Variants in SLC9A5 observed in about 807,000 individuals in gnomAD.
SLC9A5 encodes sodium/hydrogen exchanger 5.
Under a neutral mutation model 91.7 loss-of-function variants are expected in SLC9A5, and 52 were observed. The observed-to-expected ratio is 0.57, with a 90% CI of 0.45 to 0.71. The LOEUF is 0.71. Among genes scored for constraint, SLC9A5 ranks in the 30% least tolerant of loss-of-function variants. SLC9A5 has a pLI of 0.00. For missense variants in SLC9A5, 871 were observed against 1,158.9 expected, an observed-to-expected ratio of 0.75 and a Z score of 3.61; for synonymous variants, 419 against 474.5, an observed-to-expected ratio of 0.88 and a Z score of 1.52.
chr16:67,251,263 A>G (rs2035106927), intron 1 of SLC9A5, among the ~76,000 whole-genome samples: 2 of 152,126 alleles, frequency 1.3e-5, no homozygotes, highest in Non-Finnish European at 2.9e-5. Context: ...TGAAAAGCAC[A>G]TTGGGCTAGG....
chr16:67,270,694 T>C lies in SLC9A5; in HGVS notation c.2219-44T>C. On this transcript the variant is annotated intron_variant, in intron 15 of 15. Transcript: ENST00000299798. The surrounding 1 kb of genome is among the most constrained non-coding windows in gnomAD (Gnocchi z 4.3). ...TAAGAATGTGCTTATACTTGAGATT[T>C]CCACTGTATTGGTAATGAGTTCATG... 5.4e-6 allele frequency: 7 copies of C among 1,303,248 alleles called. No homozygotes were observed. The highest frequency in any genetic ancestry group is 7.4e-6 in the Non-Finnish European group (7 of 950,532). 80.7% of individuals were successfully genotyped at this position (1,303,248 alleles called of 1,614,324 possible). A position where few individuals can be genotyped will look rare whatever the true frequency, so the allele number is the denominator to read the frequency against.
Position 67,255,984 on chromosome 16 carries a change from T to A in SLC9A5, c.911+54T>A. 6.4e-7 allele frequency: 1 copy of A among 1,572,252 alleles called. No individual in the cohort carries two copies. The highest frequency in any genetic ancestry group is 8.7e-7 in the Non-Finnish European group (1 of 1,153,242). On this transcript the variant is annotated intron_variant, in intron 5 of 15. Transcript: ENST00000299798. The surrounding 1 kb of genome is among the most constrained non-coding windows in gnomAD (Gnocchi z 4.9). ...AGCTGGGAGGGGGCACTGGAGATGGTTGCCCCTCATAGGGACACAGGCAGG... is the reference window on the plus strand; with the variant it reads ...AGCTGGGAGGGGGCACTGGAGATGGATGCCCCTCATAGGGACACAGGCAGG...
intron 1 of SLC9A5, 118 bp downstream of exon 1, chr16:67,249,319 T>C (rs560402124): frequency 3.9e-4 from 312 of 797,892 alleles, no homozygotes; most frequent in Middle Eastern, 3.4e-3. Flanking sequence ...GGACTTAGGT[T>C]TGGATTCCAC....
rs1171812568 is a variant in SLC9A5 at position 67,255,607 on chromosome 16, G to A, written c.733+136G>A. ...CTCTATAGAGAAATGGGGTCTGGGA[G>A]GGGCTTGCCAGGGATCCTGGCTCTG... On this transcript the variant is annotated intron_variant, in intron 4 of 15. Coordinates refer to ENST00000299798, the MANE Select transcript of SLC9A5 (RefSeq NM_004594.3). This position sits in a 1 kb window ranked among gnomAD's most constrained non-coding sequence, Gnocchi z 4.9. 7.7e-7 allele frequency: 1 copy of A among 1,295,484 alleles called. No individual in the cohort carries two copies. Among genetic ancestry groups the A allele is most frequent in the Non-Finnish European group, 1.1e-6 (1 of 917,654 alleles). 80.2% of individuals were successfully genotyped at this position (1,295,484 alleles called of 1,614,324 possible).
rs2035146376 is a variant in SLC9A5, at chr16:67,252,133, T to C, written c.188-409T>C. On this transcript the variant is annotated intron_variant, in intron 1 of 15. Coordinates refer to ENST00000299798, the MANE Select transcript of SLC9A5 (RefSeq NM_004594.3). This position sits in a 1 kb window ranked among gnomAD's most constrained non-coding sequence, Gnocchi z 4.0. ...GATTGGAAATTCTAGAAGTCTTGCA[T>C]ATTTCTCCTCCCTTGGTCCCAGTCT... is the stretch of plus-strand genomic sequence containing the variant. Among the ~76,000 whole-genome samples, 1 of 152,046 alleles carries C rather than the reference T, an allele frequency of 6.6e-6. No homozygotes were observed.
intron 10 of SLC9A5, among the ~76,000 whole-genome samples, chr16:67,259,266 C>CA (rs542286400): frequency 0.14 from 7,295 of 50,454 alleles, 397 homozygotes; most frequent in African/African-American, 0.23. Context: ...GACTGTGTCT[C>CA]AAAAAAAAAA....
At chr16:67,254,344 T>C (rs746420067) in intron 2 of SLC9A5, among the ~76,000 whole-genome samples, 3 of 152,212 alleles carry the variant, frequency 2.0e-5, no homozygotes, top group Non-Finnish European at 2.9e-5. Context: ...CCAATTTCCA[T>C]TTGCTGGTAG....
chr16:67,262,693 G>A (rs1383933811), intron 12 of SLC9A5: 1 of 196,438 alleles, frequency 5.1e-6, no homozygotes, highest in Non-Finnish European at 1.1e-5. Context: ...TGAGGAGAGT[G>A]TTTCATGGGG....
rs915520970 is a variant in SLC9A5 at position 67,257,769 on chromosome 16, C to T, written c.1496+168C>T. Among the ~76,000 whole-genome samples the T allele has an allele frequency of 6.6e-6, 1 of 152,228 alleles. No homozygotes were observed. The highest frequency in any genetic ancestry group is 1.5e-5 in the Non-Finnish European group (1 of 68,036). On this transcript the variant is annotated intron_variant, in intron 9 of 15. Coordinates refer to ENST00000299798, the MANE Select transcript of SLC9A5 (RefSeq NM_004594.3). This position sits in a 1 kb window ranked among gnomAD's most constrained non-coding sequence, Gnocchi z 5.1. ...AGTGCTCTCAGGTTAAGACAAGGCT[C>T]CCCAGTGTGGCCTGCTTGGCCCTGC...
Position 67,252,876 on chromosome 16 carries a change from A to G in SLC9A5, c.490+32A>G. The G allele has an allele frequency of 6.3e-7, 1 of 1,576,840 alleles. No individual in the cohort carries two copies. Among genetic ancestry groups the G allele is most frequent in the Non-Finnish European group, 8.6e-7 (1 of 1,160,668 alleles). Reference sequence around the variant, plus strand: ...GACCCTAAGACCTGGGCTTTGCCAGACCCATCACCCCTCTCCCTTCTCCTC... The same window carrying G: ...GACCCTAAGACCTGGGCTTTGCCAGGCCCATCACCCCTCTCCCTTCTCCTC... On this transcript the variant is annotated intron_variant, in intron 2 of 15. Coordinates refer to ENST00000299798, the MANE Select transcript of SLC9A5 (RefSeq NM_004594.3). This position sits in a 1 kb window ranked among gnomAD's most constrained non-coding sequence, Gnocchi z 4.0.
Position 67,271,214 on chromosome 16 carries a change from A to G in SLC9A5, c.*4A>G. On this transcript the variant is annotated 3_prime_UTR_variant, in exon 16 of 16. Coordinates refer to ENST00000299798, the MANE Select transcript of SLC9A5 (RefSeq NM_004594.3). ...CAACAGAGGCAGCCGGCTGTAGCTC[A>G]AGGCCTCGGGGAGGAGCAGGAGGTG... is the stretch of plus-strand genomic sequence containing the variant. 1 of 1,608,560 alleles carries G rather than the reference A, an allele frequency of 6.2e-7. No individual in the cohort carries two copies. Among genetic ancestry groups the G allele is most frequent in the East Asian group, 2.2e-5 (1 of 44,810 alleles).
rs989126625 is a variant in SLC9A5 at position 67,271,825 on chromosome 16, G to A, written c.*615G>A. 1 of 152,872 alleles carries A rather than the reference G, an allele frequency of 6.5e-6. No individual in the cohort carries two copies. The highest frequency in any genetic ancestry group is 2.4e-5 in the African/African-American group (1 of 41,454). 9.5% of individuals were successfully genotyped at this position (152,872 alleles called of 1,614,324 possible). On this transcript the variant is annotated 3_prime_UTR_variant, in exon 16 of 16. Coordinates refer to ENST00000299798, the MANE Select transcript of SLC9A5 (RefSeq NM_004594.3). ...CCTTCCCTTTGCTGCCAGGTATTGG[G>A]GTAATATTTCCTCCTTTTCCAAGAC...
In SLC9A5 at chr16:67,266,164, T is replaced by C. The variant is rs1368217259; in HGVS notation, c.2157T>C (p.Asp719=). 2.5e-6 allele frequency: 4 copies of C among 1,611,224 alleles called. No homozygotes were observed. Among genetic ancestry groups the C allele is most frequent in the Non-Finnish European group, 3.4e-6 (4 of 1,178,798 alleles). ...SDSSETEKED[D]EGIIFVARAT... ...GTTCAGAGACAGAGAAGGAGGACGA[T>C]GAGGGGATCATCTTTGTGGCTCGTG... The change falls in exon 15 of 16, where the codon GAT becomes GAC. Residue 719 remains aspartate (D), a synonymous_variant. Transcript: ENST00000299798.
intron 15 of SLC9A5, 102 bp downstream of exon 15, chr16:67,266,327 A>G: frequency 8.4e-7 from 1 of 1,190,908 alleles, no homozygotes; most frequent in Non-Finnish European, 1.2e-6. Context: ...CCTATTCACT[A>G]GTTTATTCAT....
chr16:67,258,357 G>A lies in SLC9A5; in HGVS notation c.1536G>A (p.Leu512=). The A allele has an allele frequency of 6.2e-7, 1 of 1,614,200 alleles. No homozygotes were observed. The highest frequency in any genetic ancestry group is 8.5e-7 in the Non-Finnish European group (1 of 1,180,038). ...ACAAGAAATACCTGAGTCAGCTGCT[G>A]ATGCGACGATCAGCCTACCGCATCC... The part of the protein sequence containing the change: ...QFDKKYLSQL[L]MRRSAYRIRD... Residue 512 remains leucine (L), a synonymous_variant, in exon 10 of 16, where the codon CTG becomes CTA. Transcript: ENST00000299798. The surrounding 1 kb of genome is among the most constrained non-coding windows in gnomAD (Gnocchi z 4.5).
chr16:67,254,925 A>C, intron 2 of SLC9A5, 96 bp from the exon 3 acceptor site: 1 of 1,248,718 alleles, frequency 8.0e-7, no homozygotes, highest in Non-Finnish European at 1.1e-6. Flanking sequence ...CCTTGCTGTT[A>C]TCAGCAGGGG....
intron 1 of SLC9A5, 47 bp downstream of exon 1, chr16:67,249,248 C>T: frequency 4.7e-5 from 63 of 1,336,072 alleles, no homozygotes; most frequent in Non-Finnish European, 6.0e-5. Context: ...GCGGCGGACC[C>T]GCCCCCAACA....
In SLC9A5 at chr16:67,249,079, A is replaced by G; in HGVS notation, c.65A>G (p.Gln22Arg). Residue 22 changes from glutamine to arginine, a missense_variant, in exon 1 of 16, where the codon CAG becomes CGG. By Grantham distance (43) the Gln-to-Arg change is conservative. This residue lies in a region of SLC9A5 where 122 missense variants were observed against 114.5 expected (regional missense o/e 1.07). Transcript: ENST00000299798. ...PLAGAAEEPT[Q>R]KPESPGEPPP... ...GCGGGGGCGGCCGAAGAGCCCACCC[A>G]GAAGCCAGAGTCCCCGGGCGAGCCT... 17 of 1,530,338 alleles carry G rather than the reference A, an allele frequency of 1.1e-5. No homozygotes were observed. Among genetic ancestry groups the G allele is most frequent in the Non-Finnish European group, 1.5e-5 (17 of 1,145,398 alleles). The allele number at this position is 1,530,338 out of a possible 1,614,324, so 94.8% of individuals were successfully genotyped here. A position where few individuals can be genotyped will look rare whatever the true frequency, so the allele number is the denominator to read the frequency against.
In SLC9A5 at chr16:67,270,588, G is replaced by C. The variant is rs753370988; in HGVS notation, c.2219-150G>C. 6.3e-5 allele frequency: 38 copies of C among 601,094 alleles called. 1 individual carries two copies. Among genetic ancestry groups the C allele is most frequent in the Non-Finnish European group, 1.0e-4 (35 of 341,484 alleles). 37.2% of individuals were successfully genotyped at this position (601,094 alleles called of 1,614,324 possible). A position where few individuals can be genotyped will look rare whatever the true frequency, so the allele number is the denominator to read the frequency against. ...GGGGATAGAGTGGAGAGTAAAACAAGCTGTGGTACTTCGCCTCAGCAAGAC... is the reference window on the plus strand; with the variant it reads ...GGGGATAGAGTGGAGAGTAAAACAACCTGTGGTACTTCGCCTCAGCAAGAC... On this transcript the variant is annotated intron_variant, in intron 15 of 15. Transcript: ENST00000299798. The surrounding 1 kb of genome is among the most constrained non-coding windows in gnomAD (Gnocchi z 4.3).
Sources: gnomAD v4.1 joint callset for allele counts (sites outside exome capture counted in the v4.1 genomes callset) on GRCh38, gnomAD v4.1.1 for gene constraint, gnomAD v4.1.1 regional missense constraint, Gnocchi (gnomAD v3.1) non-coding constraint, MANE v1.5 for transcripts, NCBI Gene and HGNC (gene_info 2026-07-23, HGNC 2026-07-21) for gene names.